The following SCOC variants were observed in gnomAD, a reference collection of about 807,000 sequenced individuals.
SCOC encodes the protein short coiled-coil protein.
SCOC carries 7 observed loss-of-function variants against 9.9 expected under a neutral mutation model. That is an observed-to-expected ratio of 0.71 (90% confidence interval 0.40 to 1.33). SCOC has a LOEUF of 1.33. SCOC is among the 40% of genes most tolerant of loss of function. SCOC has a pLI of 0.01. For synonymous variants in SCOC, 19 were observed against 28.2 expected, an observed-to-expected ratio of 0.67 and a Z score of 1.03; for missense variants, 66 against 89.7, an observed-to-expected ratio of 0.74 and a Z score of 1.07.
At chr4:140,339,602 A>G (rs543507430), upstream of SCOC, among the ~76,000 whole-genome samples, 3 of 152,374 alleles carry the variant, frequency 2.0e-5, no homozygotes, top group South Asian at 6.2e-4. Context: ...ACAAATTTAC[A>G]AGAAAAAAAC....
chr4:140,339,786 A>G (rs564881181), upstream of SCOC, among the ~76,000 whole-genome samples: 2 of 152,374 alleles, frequency 1.3e-5, no homozygotes, highest in African/African-American at 4.8e-5. Flanking sequence ...GCGATCATTA[A>G]AAAGTCAGGG....
upstream of SCOC, among the ~76,000 whole-genome samples, chr4:140,341,087 C>T (rs114693162): frequency 0.017 from 2,582 of 151,978 alleles, 72 homozygotes; most frequent in African/African-American, 0.06. Flanking sequence ...TGAGCCCAGC[C>T]GAGTTTTCTT....
At chr4:140,373,067 TA>T (rs1375194085), upstream of SCOC, among the ~76,000 whole-genome samples, 1 of 152,244 alleles carries the variant, frequency 6.6e-6, no homozygotes, top group East Asian at 1.9e-4. Context: ...GATTTAATAA[TA>T]GTTTCGGAGG....
At chr4:140,268,947 G>A (rs1303627311) in intron 1 of SCOC, among the ~76,000 whole-genome samples, 2 of 152,174 alleles carry the variant, frequency 1.3e-5, no homozygotes, top group Non-Finnish European at 2.9e-5. Context: ...ACTGCACTAG[G>A]CGATTCTGAC....
chr4:140,338,969 T>C (rs1040362225), upstream of SCOC, among the ~76,000 whole-genome samples: 2 of 152,120 alleles, frequency 1.3e-5, no homozygotes, highest in African/African-American at 4.8e-5. Flanking sequence ...CATATGGAAC[T>C]GAAAAAGAGC....
intron 1 of SCOC, among the ~76,000 whole-genome samples, chr4:140,278,318 G>A (rs1268263230): frequency 7.1e-6 from 1 of 140,850 alleles, no homozygotes; most frequent in Non-Finnish European, 1.5e-5. Context: ...TTTTTTTTTT[G>A]AGATGGAGTC....
intron 1 of SCOC, among the ~76,000 whole-genome samples, chr4:140,296,819 CTG>C (rs1460002104): frequency 2.6e-5 from 4 of 152,202 alleles, no homozygotes; most frequent in African/African-American, 7.2e-5. Flanking sequence ...ACACAAAAGA[CTG>C]GGCGTTGTTT....
chr4:140,347,921 G>T (rs1159978704), intron 2 of SCOC, among the ~76,000 whole-genome samples: 4 of 151,982 alleles, frequency 2.6e-5, no homozygotes, highest in Non-Finnish European at 5.9e-5. Flanking sequence ...TAAATTTATG[G>T]GAACATTCTT....
intron 1 of SCOC, among the ~76,000 whole-genome samples, chr4:140,310,129 G>T (rs1298553992): frequency 2.0e-5 from 3 of 152,186 alleles, no homozygotes; most frequent in Non-Finnish European, 4.4e-5. Context: ...GGAGATTATT[G>T]TAAATTCTTA....
chr4:140,279,197 T>A (rs768555612), intron 1 of SCOC, among the ~76,000 whole-genome samples: 15 of 152,298 alleles, frequency 9.8e-5, no homozygotes, highest in Non-Finnish European at 1.6e-4. Flanking sequence ...CTTCTATTCC[T>A]TTAGGGTGCA....
At chr4:140,266,334 A>G (rs964188542) in intron 1 of SCOC, among the ~76,000 whole-genome samples, 2 of 152,146 alleles carry the variant, frequency 1.3e-5, no homozygotes, top group Non-Finnish European at 2.9e-5. Context: ...AACAACAGAA[A>G]TTTATTTCTT....
chr4:140,322,053 C>A (rs1392328767), intron 1 of SCOC, among the ~76,000 whole-genome samples: 6 of 152,224 alleles, frequency 3.9e-5, no homozygotes, highest in Non-Finnish European at 1.5e-5. Context: ...GATGCTAGCA[C>A]CTTGATCTTG....
intron 1 of SCOC, chr4:140,291,297 C>T (rs1731463396): frequency 2.5e-6 from 1 of 396,932 alleles, no homozygotes; most frequent in African/African-American, 2.1e-5. Flanking sequence ...GTGATAGGGG[C>T]TGCAAGACAT....
intron 1 of SCOC, among the ~76,000 whole-genome samples, chr4:140,334,728 G>A (rs544386082): frequency 6.6e-6 from 1 of 152,118 alleles, no homozygotes; most frequent in African/African-American, 2.4e-5. Context: ...TATACCTATG[G>A]AATAGCAATT....
intron 2 of SCOC, among the ~76,000 whole-genome samples, chr4:140,348,468 C>T (rs1726833635): frequency 6.6e-6 from 1 of 151,982 alleles, no homozygotes; most frequent in Non-Finnish European, 1.5e-5. Flanking sequence ...TTACAAATGG[C>T]AAGATTTCCT....
intron 2 of SCOC, among the ~76,000 whole-genome samples, chr4:140,361,282 T>A (rs561419295): frequency 6.6e-6 from 1 of 152,052 alleles, no homozygotes; most frequent in South Asian, 2.1e-4. Flanking sequence ...AGGACTTTTA[T>A]ATCAAAGCTA....
upstream of SCOC, among the ~76,000 whole-genome samples, chr4:140,370,282 A>G (rs556295759): frequency 2.0e-4 from 30 of 152,214 alleles, no homozygotes; most frequent in South Asian, 6.0e-3. Flanking sequence ...TACACAGTGG[A>G]GTCTATTTTG....
chr4:140,359,596 C>T (rs977343786), intron 2 of SCOC, among the ~76,000 whole-genome samples: 6 of 152,100 alleles, frequency 3.9e-5, no homozygotes, highest in African/African-American at 1.4e-4. Context: ...AAAAAATCAC[C>T]ACAGCTGGTC....
chr4:140,353,809 C>T (rs942164079), intron 2 of SCOC, among the ~76,000 whole-genome samples: 2 of 152,204 alleles, frequency 1.3e-5, no homozygotes, highest in African/African-American at 4.8e-5. Flanking sequence ...TTACAGTGAC[C>T]TGGGTCTTCC....
Sources: allele counts gnomAD v4.1 joint callset (sites outside exome capture counted in the v4.1 genomes callset), GRCh38; gene constraint gnomAD v4.1.1; transcripts MANE v1.5; gene names NCBI Gene and HGNC (gene_info 2026-07-23, HGNC 2026-07-21).